The following CD47 variants were observed in gnomAD, a reference collection of about 807,000 sequenced individuals.
The protein encoded by CD47 is CD47 molecule.
In CD47, 11 loss-of-function variants were observed where a neutral mutation model predicts 44.6. That is an observed-to-expected ratio of 0.25 (90% CI 0.16 to 0.41). The LOEUF (loss-of-function observed/expected upper bound fraction) is 0.41. Among genes scored for constraint, CD47 ranks in the 10% least tolerant of loss-of-function variants. CD47 has a pLI of 1.00. For missense variants in CD47, 306 were observed against 386.7 expected (o/e 0.79, Z 1.75); for synonymous variants, 140 against 136.3 (o/e 1.03, Z -0.19).
chr3:108,058,739 T>A (rs1031144325), intron 5 of CD47, among the ~76,000 whole-genome samples: 1 of 152,242 alleles, frequency 6.6e-6, no homozygotes, highest in Non-Finnish European at 1.5e-5. Context: ...CTATTATGAA[T>A]GTCTTCTCCA....
intron 10 of CD47, among the ~76,000 whole-genome samples, chr3:108,049,336 A>G (rs2078782130): frequency 1.3e-5 from 2 of 152,234 alleles, no homozygotes; most frequent in African/African-American, 4.8e-5. Flanking sequence ...AGTTACAGTC[A>G]CCAGACACGG....
At chr3:108,076,217 T>C (rs1309909677) in intron 2 of CD47, among the ~76,000 whole-genome samples, 1 of 152,192 alleles carries the variant, frequency 6.6e-6, no homozygotes, top group African/African-American at 2.4e-5. Context: ...GTAGTTGTTA[T>C]GCAGCACTAG....
At chr3:108,076,318 C>T (rs1213110636) in intron 2 of CD47, among the ~76,000 whole-genome samples, 24 of 152,088 alleles carry the variant, frequency 1.6e-4, no homozygotes, top group Admixed American at 1.3e-3. Context: ...GGCAACACTG[C>T]GGAACTTGAA....
chr3:108,055,136 A>G (rs1468211002), intron 7 of CD47, among the ~76,000 whole-genome samples: 1 of 152,206 alleles, frequency 6.6e-6, no homozygotes, highest in Non-Finnish European at 1.5e-5. Flanking sequence ...TTTCACAGAA[A>G]GTTGTAGAAA....
Position 108,049,668 on chromosome 3 carries a change from G to A in CD47, c.935-17C>T. The A allele has an allele frequency of 6.3e-7, 1 of 1,595,288 alleles. No homozygotes were observed. Among genetic ancestry groups the A allele is most frequent in the Non-Finnish European group, 8.6e-7 (1 of 1,163,110 alleles). ...CTTTGAATGCTAGGATTAGTAACAA[G>A]CCAAGCAGGCAGTTAGTGAGGTTCC... On this transcript the variant is annotated splice_polypyrimidine_tract_variant and intron_variant, in intron 9 of 10. Transcript: ENST00000361309.
Position 108,090,964 on chromosome 3 carries a change from GCCGCCGCCGTTACAGGCAGGACCGA to G in CD47, c.-81_-57del. On this transcript the variant is annotated 5_prime_UTR_variant, in exon 1 of 11. Transcript: ENST00000361309. Reference sequence around the variant, plus strand: ...GCCGCAGGTGTCCGGAGCAGCAGCCGCCGCCGCCGTTACAGGCAGGACCGACCGCCGCCGCGCGTCACAGGCAGGA... The same window carrying G: ...GCCGCAGGTGTCCGGAGCAGCAGCCGCCGCCGCCGCGCGTCACAGGCAGGA... 3 of 1,314,558 alleles carry G rather than the reference GCCGCCGCCGTTACAGGCAGGACCGA, an allele frequency of 2.3e-6. No homozygotes were observed. The highest frequency in any genetic ancestry group is 3.2e-5 in the East Asian group (1 of 31,454). The allele number at this position is 1,314,558 out of a possible 1,614,324, so 81.4% of individuals were successfully genotyped here.
chr3:108,063,054 T>C (rs1315470057), intron 3 of CD47, among the ~76,000 whole-genome samples: 6 of 152,126 alleles, frequency 3.9e-5, no homozygotes, highest in Non-Finnish European at 7.4e-5. Flanking sequence ...GTGCAAACAA[T>C]AGCAACAAAA....
chr3:108,055,005 CT>C (rs1455218259), intron 7 of CD47, among the ~76,000 whole-genome samples: 1 of 152,076 alleles, frequency 6.6e-6, no homozygotes, highest in Non-Finnish European at 1.5e-5. Context: ...CTTTTCTATG[CT>C]TTCACATTAA....
rs1157824483 is a variant in CD47 at position 108,090,982 on chromosome 3, AG to A, written c.-75del. ...AGCAGCCGCCGCCGCCGTTACAGGC[AG>A]GACCGACCGCCGCCGCGCGTCACAG... is the stretch of plus-strand genomic sequence containing the variant. On this transcript the variant is annotated 5_prime_UTR_variant, in exon 1 of 11. Coordinates refer to ENST00000361309, the MANE Select transcript of CD47 (RefSeq NM_001777.4). 1.6e-5 allele frequency: 18 copies of A among 1,103,792 alleles called. No individual in the cohort carries two copies. The East Asian group carries it at 6.1e-4, about 37-fold the overall frequency. 68.4% of individuals were successfully genotyped at this position (1,103,792 alleles called of 1,614,324 possible). A position where few individuals can be genotyped will look rare whatever the true frequency, so the allele number is the denominator to read the frequency against.
chr3:108,054,120 T>C (rs1002503729), intron 7 of CD47: 37 of 152,206 alleles, frequency 2.4e-4, no homozygotes, highest in African/African-American at 8.9e-4. Flanking sequence ...TAGTGGCACA[T>C]GCCTGTAGTC....
chr3:108,066,595 T>C (rs559242497), intron 3 of CD47, among the ~76,000 whole-genome samples: 40 of 152,236 alleles, frequency 2.6e-4, no homozygotes, highest in Non-Finnish European at 5.4e-4. Flanking sequence ...GGAGTTTTGT[T>C]ACCTCCTTGT....
At chr3:108,087,682 A>G (rs2079548590) in intron 1 of CD47, among the ~76,000 whole-genome samples, 1 of 152,116 alleles carries the variant, frequency 6.6e-6, no homozygotes, top group Non-Finnish European at 1.5e-5. Context: ...TTTAACCTAC[A>G]AGTGTGATAT....
At chr3:108,084,060 C>G (rs1012196909) in intron 1 of CD47, among the ~76,000 whole-genome samples, 21 of 152,008 alleles carry the variant, frequency 1.4e-4, no homozygotes, top group African/African-American at 5.1e-4. Context: ...TTGTGTGTGT[C>G]TTTAAAAATT....
intron 3 of CD47, among the ~76,000 whole-genome samples, chr3:108,068,619 G>A (rs1393926187): frequency 6.6e-6 from 1 of 152,150 alleles, no homozygotes; most frequent in Non-Finnish European, 1.5e-5. Context: ...ATCAGGAAAC[G>A]GCTGGGTGAT....
intron 4 of CD47, 41 bp from the exon 5 acceptor site, chr3:108,059,585 CT>C: frequency 1.9e-6 from 2 of 1,039,216 alleles, no homozygotes; most frequent in Non-Finnish European, 1.4e-6. Context: ...TTCCTACATA[CT>C]TTTTAAATGT....
Position 108,080,015 on chromosome 3 carries a change from T to A in CD47, c.376A>T (p.Ile126Phe), listed in dbSNP as rs780980078. ...CCAACACGATATTTTAGCTCGATGA[T>A]CGTTTCACCTTCTCTGGTTAATTCT... ...VTELTREGET[I>F]IELKYRVVSW... is the part of the protein sequence containing the mutation. The change falls in exon 2 of 11, where the codon ATC (isoleucine) becomes TTC (phenylalanine). Residue 126 changes from isoleucine (I) to phenylalanine (F), a missense_variant. Around this residue, in one of 5 missense-constraint regions of CD47, gnomAD observed 65 missense variants for 119.9 expected, o/e 0.54. Transcript: ENST00000361309. The A allele has an allele frequency of 7.5e-6, 12 of 1,608,762 alleles. No homozygotes were observed. The highest frequency in any genetic ancestry group is 9.3e-6 in the Non-Finnish European group (11 of 1,176,758).
intron 7 of CD47, chr3:108,053,558 G>A (rs909345147): frequency 2.0e-5 from 3 of 152,322 alleles, no homozygotes; most frequent in Non-Finnish European, 4.4e-5. Context: ...CAAAGACAGA[G>A]GAACTCAGGA....
At chr3:108,089,878 G>C (rs1346666726) in intron 1 of CD47, among the ~76,000 whole-genome samples, 2 of 152,014 alleles carry the variant, frequency 1.3e-5, no homozygotes, top group African/African-American at 2.4e-5. Context: ...TTCACAAAAG[G>C]CTCTATGGAT....
chr3:108,071,771 G>C (rs1027550646), intron 2 of CD47, among the ~76,000 whole-genome samples: 1 of 152,192 alleles, frequency 6.6e-6, no homozygotes, highest in Admixed American at 6.5e-5. Flanking sequence ...TAACAATGAA[G>C]TCTTCCTGTA....
Sources: gnomAD v4.1 joint callset for allele counts (sites outside exome capture counted in the v4.1 genomes callset) on GRCh38, gnomAD v4.1.1 for gene constraint, gnomAD v4.1.1 regional missense constraint, MANE v1.5 for transcripts, NCBI Gene and HGNC (gene_info 2026-07-23, HGNC 2026-07-21) for gene names.